TRIM33: variants seen among roughly 807,000 people sequenced by gnomAD.
TRIM33 encodes tripartite motif containing 33.
TRIM33 carries 20 observed loss-of-function variants against 125.4 expected under a neutral mutation model. The observed-to-expected ratio is 0.16, with a 90% confidence interval of 0.11 to 0.23. The LOEUF (loss-of-function observed/expected upper bound fraction) is 0.23, where lower values mean the gene tolerates loss of function less well. Among genes scored for constraint, TRIM33 ranks in the 10% least tolerant of loss-of-function variants. The pLI is 1.00. For missense variants in TRIM33, 920 were observed against 1,411.4 expected (o/e 0.65, Z 5.58); for synonymous variants, 564 against 513.9 (o/e 1.10, Z -1.32).
At chr1:114,419,945 C>A (rs564663862) in intron 11 of TRIM33, among the ~76,000 whole-genome samples, 4 of 152,008 alleles carry the variant, frequency 2.6e-5, no homozygotes, top group African/African-American at 9.7e-5. Context: ...TACATAAGCC[C>A]ATTAAAACCC....
At chr1:114,471,224 G>A (rs896247731) in intron 1 of TRIM33, among the ~76,000 whole-genome samples, 3 of 152,166 alleles carry the variant, frequency 2.0e-5, no homozygotes, top group South Asian at 2.1e-4. Flanking sequence ...CGAGGTGGGC[G>A]GATGGCGAAG....
At chr1:114,471,905 A>G (rs1650677238) in intron 1 of TRIM33, among the ~76,000 whole-genome samples, 1 of 152,218 alleles carries the variant, frequency 6.6e-6, no homozygotes, top group African/African-American at 2.4e-5. Flanking sequence ...AATACAGAAA[A>G]TTATTGTATG....
chr1:114,429,021 C>T (rs543142706), intron 6 of TRIM33, among the ~76,000 whole-genome samples: 2 of 152,150 alleles, frequency 1.3e-5, no homozygotes, highest in South Asian at 2.1e-4. Flanking sequence ...CTATTTTAGA[C>T]GTACAGCTCA....
intron 4 of TRIM33, among the ~76,000 whole-genome samples, chr1:114,457,334 C>A (rs1649684648): frequency 6.6e-6 from 1 of 152,128 alleles, no homozygotes; most frequent in South Asian, 2.1e-4. Context: ...GAGTGCCACC[C>A]AGCAGCAACC....
In TRIM33 at chr1:114,510,769, G is replaced by C; in HGVS notation, c.308C>G (p.Ser103Trp). ...AVSTPAPAPA[S>W]APAPGPSAGP... is the part of the protein sequence containing the mutation. ...TGCCGAGGGACCCGGAGCGGGAGCC[G>C]AGGCTGGAGCTGGAGCCGGCGTCGA... is the stretch of plus-strand genomic sequence containing the variant. The change falls in exon 1 of 20, where the codon TCG becomes TGG. Residue 103 changes from serine to tryptophan, a missense_variant. Ser to Trp is a radical substitution (Grantham distance 177). This residue lies in a region of TRIM33 where 233 missense variants were observed against 189.6 expected (regional missense o/e 1.23). Coordinates refer to ENST00000358465, the MANE Select transcript of TRIM33 (RefSeq NM_015906.4). 2.6e-6 allele frequency: 4 copies of C among 1,522,362 alleles called. No homozygotes were observed. The highest frequency in any genetic ancestry group is 3.5e-6 in the Non-Finnish European group (4 of 1,140,474). The allele number at this position is 1,522,362 out of a possible 1,614,324, so 94.3% of individuals were successfully genotyped here.
intron 1 of TRIM33, among the ~76,000 whole-genome samples, chr1:114,499,637 G>A (rs1652590502): frequency 6.6e-6 from 1 of 152,072 alleles, no homozygotes; most frequent in Non-Finnish European, 1.5e-5. Flanking sequence ...CTGTGTTGGT[G>A]GCACCTGACA....
intron 4 of TRIM33, chr1:114,460,407 G>C (rs1257273355): frequency 6.7e-6 from 1 of 148,424 alleles, no homozygotes. Flanking sequence ...TGTTGAAATA[G>C]AAAAAAAAAA....
chr1:114,507,873 T>A (rs1364222060), intron 1 of TRIM33, among the ~76,000 whole-genome samples: 4 of 152,116 alleles, frequency 2.6e-5, no homozygotes, highest in African/African-American at 9.7e-5. Flanking sequence ...TCCCAGGACT[T>A]TGGGAGGCTG....
intron 3 of TRIM33, 26 bp from the exon 4 acceptor site, chr1:114,463,262 T>G (rs748336552): frequency 6.4e-7 from 1 of 1,572,996 alleles, no homozygotes; most frequent in South Asian, 1.2e-5. Context: ...ACAAATATTT[T>G]TTAACCAAAC....
chr1:114,509,713 T>C (rs1046355272), intron 1 of TRIM33, among the ~76,000 whole-genome samples: 1 of 152,208 alleles, frequency 6.6e-6, no homozygotes, highest in African/African-American at 2.4e-5. Context: ...GAAATTTCCC[T>C]GACCTTTCCT....
chr1:114,396,274 G>A lies in TRIM33; in HGVS notation c.*1374C>T, dbSNP rs540858153. 7 of 204,202 alleles carry A rather than the reference G, an allele frequency of 3.4e-5. No homozygotes were observed. Among genetic ancestry groups the A allele is most frequent in the South Asian group, 3.8e-4 (2 of 5,270 alleles). 12.6% of individuals were successfully genotyped at this position (204,202 alleles called of 1,614,324 possible). Reference sequence around the variant, plus strand: ...AGAGCCAAGTTGGTTTATCGGCCTCGGGTGCTGTAATTGGGGTGGTAAAGG... The same window carrying A: ...AGAGCCAAGTTGGTTTATCGGCCTCAGGTGCTGTAATTGGGGTGGTAAAGG... On this transcript the variant is annotated 3_prime_UTR_variant, in exon 20 of 20. Coordinates refer to ENST00000358465, the MANE Select transcript of TRIM33 (RefSeq NM_015906.4).
chr1:114,402,185 T>C (rs1651936969), intron 16 of TRIM33, among the ~76,000 whole-genome samples: 1 of 152,158 alleles, frequency 6.6e-6, no homozygotes. Context: ...AGAGTTTCCA[T>C]TTTTAATATG....
At chr1:114,461,410 C>T (rs1163935337) in intron 4 of TRIM33, among the ~76,000 whole-genome samples, 2 of 150,242 alleles carry the variant, frequency 1.3e-5, no homozygotes, top group African/African-American at 2.4e-5. Flanking sequence ...ACTTGTGGGA[C>T]CTGACTCTAA....
intron 11 of TRIM33, 90 bp from the exon 12 acceptor site, chr1:114,410,406 TAAAC>T (rs1185034667): frequency 2.5e-5 from 33 of 1,310,982 alleles, no homozygotes; most frequent in Admixed American, 9.8e-5. Context: ...AGTTTATTAA[TAAAC>T]TAACAGATTA....
In TRIM33 at chr1:114,510,735, A is replaced by C; in HGVS notation, c.342T>G (p.Pro114=). The C allele has an allele frequency of 6.5e-7, 1 of 1,528,976 alleles. No individual in the cohort carries two copies. Among genetic ancestry groups the C allele is most frequent in the Non-Finnish European group, 8.8e-7 (1 of 1,142,718 alleles). 94.7% of individuals were successfully genotyped at this position (1,528,976 alleles called of 1,614,324 possible). ...CCAGGAGCGAGGCTGGCGGTCCAGGAGGCGGCCCTGCCGAGGGACCCGGAG... is the reference window on the plus strand; with the variant it reads ...CCAGGAGCGAGGCTGGCGGTCCAGGCGGCGGCCCTGCCGAGGGACCCGGAG... ...APAPGPSAGP[P]PGPPASLLDT... The change falls in exon 1 of 20, where the codon CCT becomes CCG. Residue 114 remains proline, a synonymous_variant. Transcript: ENST00000358465.
intron 11 of TRIM33, among the ~76,000 whole-genome samples, chr1:114,414,608 T>C (rs914169275): frequency 2.0e-5 from 3 of 152,224 alleles, no homozygotes; most frequent in East Asian, 1.9e-4. Context: ...TCCTGGTATA[T>C]ACTCACCTTA....
At position 114,425,684 on chromosome 1, in the gene TRIM33, G is replaced by A. The variant is rs1029756549; in HGVS notation, c.1460C>T (p.Thr487Ile). 5 of 1,613,862 alleles carry A rather than the reference G, an allele frequency of 3.1e-6. No individual in the cohort carries two copies. Residue 487 changes from threonine (T) to isoleucine (I), a missense_variant, in exon 9 of 20, where the codon ACT becomes ATT. Thr to Ile is a moderately conservative substitution (Grantham distance 89, BLOSUM62 -1). Coordinates refer to ENST00000358465, the MANE Select transcript of TRIM33 (RefSeq NM_015906.4). ...VIESKPAPGY[T>I]PNVVVGQVPP... is the part of the protein sequence containing the mutation. ...AACTTGCCCAACTACAACATTAGGAGTATAACCAGGAGCTGGTTTACTCTC... is the reference window on the plus strand; with the variant it reads ...AACTTGCCCAACTACAACATTAGGAATATAACCAGGAGCTGGTTTACTCTC...
At chr1:114,470,401 T>C (rs538135663) in intron 1 of TRIM33, among the ~76,000 whole-genome samples, 1 of 152,302 alleles carries the variant, frequency 6.6e-6, no homozygotes, top group East Asian at 1.9e-4. Flanking sequence ...TGATCTTTCA[T>C]GTTACTACTG....
rs372853872 is a variant in TRIM33 at position 114,398,898 on chromosome 1, C to CAAAA, written c.3120+555_3120+558dup. 6.3e-3 allele frequency among the ~76,000 whole-genome samples: 384 copies of CAAAA among 60,636 alleles called. 4 individuals are homozygous for CAAAA. The highest frequency in any genetic ancestry group is 0.011 in the Middle Eastern group (1 of 88). 39.8% of individuals were successfully genotyped at this position (60,636 alleles called of 152,430 possible). The stretch of plus-strand genomic sequence containing the variant: ...GGCATGGCTAACTCAAACTTACCCT[C>CAAAA]AAAAAAAAAAAAAAAAACAAAACAA... On this transcript the variant is annotated intron_variant, in intron 18 of 19. Coordinates refer to ENST00000358465, the MANE Select transcript of TRIM33 (RefSeq NM_015906.4).
Sources: allele counts gnomAD v4.1 joint callset (sites outside exome capture counted in the v4.1 genomes callset), GRCh38; gene constraint gnomAD v4.1.1; regional missense constraint gnomAD v4.1.1; transcripts MANE v1.5; gene names NCBI Gene and HGNC (gene_info 2026-07-23, HGNC 2026-07-21).